Variants in INTS6L observed in about 807,000 individuals in gnomAD.
INTS6L encodes integrator complex subunit 6 like.
INTS6L carries 18 observed loss-of-function variants against 64.7 expected under a neutral mutation model. The observed-to-expected ratio is 0.28, with a 90% CI of 0.19 to 0.41. The LOEUF is 0.41. INTS6L is among the 10% of genes least tolerant of loss of function. INTS6L has a pLI of 1.00. For synonymous variants in INTS6L, 227 were observed against 235.9 expected (o/e 0.96, Z 0.34); for missense variants, 533 against 661.0 (o/e 0.81, Z 2.12).
intron 2 of INTS6L, among the ~76,000 whole-genome samples, chrX:135,525,230 T>C (rs1170577068): frequency 8.9e-6 from 1 of 112,408 alleles, no homozygotes; most frequent in East Asian, 2.8e-4. Flanking sequence ...GGCTTGTCAC[T>C]ACTATTACTT....
At chrX:135,531,724 C>T (rs934489615) in intron 2 of INTS6L, among the ~76,000 whole-genome samples, 15 of 111,787 alleles carry the variant, frequency 1.3e-4, no homozygotes, top group African/African-American at 4.9e-4. Context: ...CCCCACCAGC[C>T]TGCCATTCTG....
intron 2 of INTS6L, among the ~76,000 whole-genome samples, chrX:135,530,234 G>C (rs2085869129): frequency 8.9e-6 from 1 of 112,356 alleles, no homozygotes; most frequent in Non-Finnish European, 1.9e-5. Context: ...TTCTCTGACT[G>C]TTGCTGGGTG....
At chrX:135,523,881 G>T (rs782034392) in intron 2 of INTS6L, among the ~76,000 whole-genome samples, 1 of 111,752 alleles carries the variant, frequency 8.9e-6, no homozygotes, top group African/African-American at 3.3e-5. Context: ...TCCTTATGTA[G>T]GTCAGATATA....
At chrX:135,573,133 T>A in intron 12 of INTS6L, 100 bp downstream of exon 12, 1 of 747,010 alleles carries the variant, frequency 1.3e-6, no homozygotes, top group Non-Finnish European at 2.0e-6. Flanking sequence ...AATCCTATTT[T>A]GGAGTTAGTA....
intron 2 of INTS6L, among the ~76,000 whole-genome samples, chrX:135,522,738 A>G (rs781963720): frequency 1.8e-5 from 2 of 111,713 alleles, no homozygotes; most frequent in Non-Finnish European, 3.8e-5. Context: ...TAATTTTGTA[A>G]CTCGTAGCTT....
intron 9 of INTS6L, among the ~76,000 whole-genome samples, chrX:135,563,164 C>G (rs1284034203): frequency 9.0e-6 from 1 of 110,923 alleles, no homozygotes; most frequent in Non-Finnish European, 1.9e-5. Flanking sequence ...AGTGATTGCT[C>G]CAGGTGTTAT....
intron 14 of INTS6L, among the ~76,000 whole-genome samples, chrX:135,575,622 A>G (rs2087203038): frequency 8.9e-6 from 1 of 112,487 alleles, no homozygotes; most frequent in South Asian, 3.7e-4. Context: ...TCATTCCACC[A>G]CACACTAATT....
At chrX:135,547,561 A>G (rs1312209117) in intron 6 of INTS6L, among the ~76,000 whole-genome samples, 2 of 112,197 alleles carry the variant, frequency 1.8e-5, no homozygotes, top group African/African-American at 6.5e-5. Flanking sequence ...CTATTCACAA[A>G]ATGTCTGGAG....
At chrX:135,555,148 C>G (rs1414989290) in intron 8 of INTS6L, among the ~76,000 whole-genome samples, 2 of 110,981 alleles carry the variant, frequency 1.8e-5, no homozygotes, top group Non-Finnish European at 3.8e-5. Context: ...CTCGGCCTCC[C>G]GAAGTGCTAG....
chrX:135,530,881 G>C (rs1306211248), intron 2 of INTS6L, among the ~76,000 whole-genome samples: 1 of 111,763 alleles, frequency 8.9e-6, no homozygotes, highest in Non-Finnish European at 1.9e-5. Context: ...TGATGTGCCA[G>C]ATGTTTATAG....
At chrX:135,551,820 C>T (rs782595866) in intron 7 of INTS6L, among the ~76,000 whole-genome samples, 174 bp from the exon 8 acceptor site, 10 of 111,634 alleles carry the variant, frequency 9.0e-5, no homozygotes, top group African/African-American at 2.3e-4. Context: ...GCCCTCTCTC[C>T]CATGGAAGCC....
chrX:135,553,837 T>A (rs1021825297), intron 8 of INTS6L, among the ~76,000 whole-genome samples: 1 of 112,051 alleles, frequency 8.9e-6, no homozygotes, highest in African/African-American at 3.2e-5. Context: ...TTATAGCTTT[T>A]CCCTAAAATA....
intron 9 of INTS6L, among the ~76,000 whole-genome samples, chrX:135,563,595 G>A (rs3036616): frequency 2.0e-5 from 1 of 48,928 alleles, no homozygotes; most frequent in African/African-American, 7.6e-5. Context: ...ATATATATAT[G>A]TATATACATA....
chrX:135,568,172 C>T (rs1443779180), intron 9 of INTS6L, among the ~76,000 whole-genome samples: 1 of 110,826 alleles, frequency 9.0e-6, no homozygotes, highest in Non-Finnish European at 1.9e-5. Context: ...TTTTTTCTTA[C>T]ACTTGGAAGG....
chrX:135,526,103 C>T (rs2085727678), intron 2 of INTS6L, among the ~76,000 whole-genome samples: 2 of 111,714 alleles, frequency 1.8e-5, no homozygotes, highest in Admixed American at 1.9e-4. Context: ...GTATCCCCAA[C>T]CTCTCTCGTA....
chrX:135,557,519 A>G (rs2086673163), intron 9 of INTS6L, among the ~76,000 whole-genome samples: 1 of 111,589 alleles, frequency 9.0e-6, no homozygotes, highest in African/African-American at 3.3e-5. Context: ...CCATAAACCT[A>G]TCAGTCACCT....
intron 2 of INTS6L, among the ~76,000 whole-genome samples, chrX:135,528,642 TATA>T (rs1275038712): frequency 1.8e-5 from 2 of 112,255 alleles, no homozygotes; most frequent in East Asian, 2.8e-4. Flanking sequence ...CAGTGTAAAA[TATA>T]ATATTTTGGA....
At position 135,545,973 on chromosome X, in the gene INTS6L, C is replaced by T. The variant is rs188400660; in HGVS notation, c.339+401C>T. On this transcript the variant is annotated intron_variant, in intron 3 of 17. Transcript: ENST00000639893. Reference sequence around the variant, plus strand: ...GTCCTTTCCTCCTCTAAAGTCTGTGCTCACAGTAACCAGAGTCACTCTCCA... The same window carrying T: ...GTCCTTTCCTCCTCTAAAGTCTGTGTTCACAGTAACCAGAGTCACTCTCCA... Among the ~76,000 whole-genome samples, 440 of 112,118 alleles carry T rather than the reference C, an allele frequency of 3.9e-3. 1 individual carries two copies. Among genetic ancestry groups the T allele is most frequent in the Non-Finnish European group, 5.1e-3 (273 of 53,237 alleles).
intron 3 of INTS6L, 65 bp downstream of exon 3, chrX:135,545,637 G>C (rs2086334574): frequency 1.9e-6 from 2 of 1,059,554 alleles, no homozygotes; most frequent in African/African-American, 1.9e-5. Context: ...ATTTAAAATT[G>C]GGCATGATTA....
Sources: gnomAD v4.1 joint callset for allele counts (sites outside exome capture counted in the v4.1 genomes callset) on GRCh38, gnomAD v4.1.1 for gene constraint, MANE v1.5 for transcripts, NCBI Gene and HGNC (gene_info 2026-07-23, HGNC 2026-07-21) for gene names.